The following ANKRD28 variants were observed in gnomAD, a reference collection of about 807,000 sequenced individuals.
The protein encoded by ANKRD28 is serine/threonine-protein phosphatase 6 regulatory ankyrin repeat subunit A.
ANKRD28 carries 44 observed loss-of-function variants against 126.5 expected under a neutral mutation model. The observed-to-expected ratio is 0.35, with a 90% CI of 0.27 to 0.45. The LOEUF is 0.45. Among genes scored for constraint, ANKRD28 ranks in the 20% least tolerant of loss-of-function variants. The probability of loss-of-function intolerance (pLI) is 1.00; values close to 1 mark genes in which losing one functional copy is unlikely to be tolerated. For synonymous variants in ANKRD28, 442 were observed against 468.5 expected (o/e 0.94, Z 0.73); for missense variants, 1,110 against 1,316.6 (o/e 0.84, Z 2.43).
chr3:15,797,209 CA>C lies in ANKRD28; in HGVS notation c.-689del, dbSNP rs5846878. On this transcript the variant is annotated 5_prime_UTR_variant, in exon 1 of 28. It removes the in-frame stop codon of an upstream open reading frame in the 5' UTR. Transcript: ENST00000683139. ...TTGGGAAAGGGGCAAAAAACAAAAACAAAAAAAAAAAAACCACTCTGCATTA... is the reference window on the plus strand; with the variant it reads ...TTGGGAAAGGGGCAAAAAACAAAAACAAAAAAAAAAAACCACTCTGCATTA... 412,748 of 850,584 alleles carry C rather than the reference CA, an allele frequency of 0.49. 41,195 individuals are homozygous for C. Among genetic ancestry groups the C allele is most frequent in the East Asian group, 0.74 (5,854 of 7,936 alleles). The allele number at this position is 850,584 out of a possible 1,614,324, so 52.7% of individuals were successfully genotyped here. A position where few individuals can be genotyped will look rare whatever the true frequency, so the allele number is the denominator to read the frequency against.
At chr3:15,756,454 C>T in intron 3 of ANKRD28, 1 of 977,588 alleles carries the variant, frequency 1.0e-6, no homozygotes, top group Non-Finnish European at 1.2e-6. Context: ...AACATAAATT[C>T]AAAAACAAAA....
chr3:15,681,235 T>C (rs1485545860), intron 21 of ANKRD28, among the ~76,000 whole-genome samples: 1 of 152,230 alleles, frequency 6.6e-6, no homozygotes, highest in Non-Finnish European at 1.5e-5. Context: ...TAAATAGTTG[T>C]TGTATTGTTT....
intron 1 of ANKRD28, among the ~76,000 whole-genome samples, chr3:15,834,189 T>C (rs570707519): frequency 7.9e-4 from 120 of 152,316 alleles, no homozygotes; most frequent in African/African-American, 2.8e-3. Flanking sequence ...TTTTATAGTT[T>C]CAGGTCTTAT....
intron 14 of ANKRD28, among the ~76,000 whole-genome samples, chr3:15,707,274 A>G (rs1158677566): frequency 6.6e-6 from 1 of 152,136 alleles, no homozygotes; most frequent in Non-Finnish European, 1.5e-5. Context: ...AAAAATATGT[A>G]TCAAGGTATT....
intron 8 of ANKRD28, among the ~76,000 whole-genome samples, chr3:15,720,159 A>T (rs111560873): frequency 4.6e-5 from 7 of 152,284 alleles, no homozygotes; most frequent in African/African-American, 1.7e-4. Flanking sequence ...CCACTATGCC[A>T]GCCCAGAATT....
intron 3 of ANKRD28, among the ~76,000 whole-genome samples, chr3:15,765,571 G>C (rs779505926): frequency 6.6e-6 from 1 of 152,096 alleles, no homozygotes; most frequent in Non-Finnish European, 1.5e-5. Context: ...GGCGGGCATG[G>C]TGGCTCACTC....
chr3:15,738,710 C>G (rs546106524), intron 4 of ANKRD28: 1 of 152,302 alleles, frequency 6.6e-6, no homozygotes, highest in Non-Finnish European at 1.5e-5. Context: ...CGGCCCAGGT[C>G]GGAAACAGAG....
intron 1 of ANKRD28, among the ~76,000 whole-genome samples, chr3:15,824,249 G>A (rs1192813254): frequency 6.6e-6 from 1 of 152,150 alleles, no homozygotes; most frequent in Non-Finnish European, 1.5e-5. Flanking sequence ...CCGCCTCCTG[G>A]GCTCAAGCGA....
At chr3:15,859,587 C>T in exon 1 of ANKRD28, 1 of 198,346 alleles carries the variant, frequency 5.0e-6, no homozygotes, top group Non-Finnish European at 9.2e-6. Context: ...CCGCCCGCCG[C>T]CGCCGCCGCC....
In ANKRD28 at chr3:15,710,840, A is replaced by G. The variant is rs981408009; in HGVS notation, c.1337+371T>C. On this transcript the variant is annotated intron_variant, in intron 12 of 27. Transcript: ENST00000683139. The stretch of plus-strand genomic sequence containing the variant: ...AATGAACATTTTTTTCCTGGGGGAA[A>G]AAAAAATTAACAAATCTACTTAAAG... 8.5e-5 allele frequency among the ~76,000 whole-genome samples: 13 copies of G among 152,198 alleles called. 1 individual carries two copies. Among genetic ancestry groups the G allele is most frequent in the South Asian group, 6.2e-4 (3 of 4,818 alleles).
chr3:15,848,152 T>C (rs1435953949), intron 1 of ANKRD28, among the ~76,000 whole-genome samples: 7 of 152,220 alleles, frequency 4.6e-5, no homozygotes, highest in African/African-American at 1.7e-4. Flanking sequence ...TAACTGGAAT[T>C]ATCAAATAGG....
chr3:15,709,567 A>C, intron 13 of ANKRD28, 101 bp downstream of exon 13: 1 of 754,556 alleles, frequency 1.3e-6, no homozygotes, highest in Non-Finnish European at 2.2e-6. Context: ...ATCAGTGTAC[A>C]AGATGCTAAA....
chr3:15,835,393 A>T (rs2061299882), intron 1 of ANKRD28, among the ~76,000 whole-genome samples: 1 of 152,212 alleles, frequency 6.6e-6, no homozygotes, highest in South Asian at 2.1e-4. Flanking sequence ...AGCTATTTGG[A>T]TATAAATAGC....
intron 4 of ANKRD28, among the ~76,000 whole-genome samples, chr3:15,749,094 T>C (rs1237183289): frequency 1.5e-5 from 1 of 67,130 alleles, no homozygotes; most frequent in Non-Finnish European, 3.2e-5. Flanking sequence ...TTCTATATTA[T>C]GTTTTTGTTT....
chr3:15,679,151 T>G, intron 23 of ANKRD28, 150 bp downstream of exon 23: 1 of 658,744 alleles, frequency 1.5e-6, no homozygotes, highest in Non-Finnish European at 2.6e-6. Context: ...TTTTTTTTGG[T>G]AGAGATGCAG....
At chr3:15,684,650 C>T (rs1177094075) in intron 21 of ANKRD28, 7 of 151,942 alleles carry the variant, frequency 4.6e-5, no homozygotes, top group Admixed American at 2.6e-4. Context: ...CTTGGGGAGT[C>T]TGATGTGGGA....
exon 1 of ANKRD28, chr3:15,859,705 C>CCCG (rs1553652943): frequency 6.5e-6 from 1 of 152,918 alleles, no homozygotes; most frequent in Non-Finnish European, 1.4e-5. Flanking sequence ...GCCTGCCCTA[C>CCCG]CCGCCGCTGC....
intron 4 of ANKRD28, among the ~76,000 whole-genome samples, chr3:15,739,788 A>G (rs1003512538): frequency 2.0e-5 from 3 of 152,248 alleles, no homozygotes; most frequent in East Asian, 1.9e-4. Context: ...AGTTTGAAAC[A>G]TGGGAAATAG....
chr3:15,801,020 T>C (rs773480008), upstream of ANKRD28, among the ~76,000 whole-genome samples: 4 of 152,100 alleles, frequency 2.6e-5, no homozygotes, highest in Non-Finnish European at 5.9e-5. This position sits in a 1 kb window ranked among gnomAD's most constrained non-coding sequence, Gnocchi z 4.9. Context: ...CTGATAAAGA[T>C]TGTGCAAACT....
Sources: allele counts gnomAD v4.1 joint callset (sites outside exome capture counted in the v4.1 genomes callset), GRCh38; gene constraint gnomAD v4.1.1; non-coding constraint Gnocchi (gnomAD v3.1); transcripts MANE v1.5; gene names NCBI Gene and HGNC (gene_info 2026-07-23, HGNC 2026-07-21).